Variants in CTNND2 observed in about 807,000 individuals in gnomAD.
CTNND2 encodes the protein catenin delta 2.
A neutral mutation model predicts 144.4 loss-of-function variants in CTNND2; 22 were observed. The observed-to-expected ratio is 0.15, with a 90% CI of 0.11 to 0.22. CTNND2 has a LOEUF of 0.22. Ranked by LOEUF, CTNND2 falls within the 10% of genes least tolerant of loss-of-function variation. The probability of loss-of-function intolerance (pLI) is 1.00; values close to 1 mark genes in which losing one functional copy is unlikely to be tolerated. For missense variants in CTNND2, 1,353 were observed against 1,618.8 expected, an observed-to-expected ratio of 0.84 and a Z score of 2.82; for synonymous variants, 751 against 695.6, an observed-to-expected ratio of 1.08 and a Z score of -1.25.
At chr5:11,657,952 T>C (rs2126557944) in intron 2 of CTNND2, among the ~76,000 whole-genome samples, 1 of 152,302 alleles carries the variant, frequency 6.6e-6, no homozygotes, top group East Asian at 1.9e-4. Context: ...TTTATGACTT[T>C]TGTTATACAG....
intron 3 of CTNND2, among the ~76,000 whole-genome samples, chr5:11,424,190 T>C (rs1005466532): frequency 1.3e-5 from 2 of 152,160 alleles, no homozygotes; most frequent in African/African-American, 4.8e-5. Context: ...CACTGATACA[T>C]CCATACCAAG....
intron 3 of CTNND2, among the ~76,000 whole-genome samples, chr5:11,468,997 C>G (rs62337506): frequency 0.032 from 4,879 of 152,238 alleles, 103 homozygotes; most frequent in Non-Finnish European, 0.044. Flanking sequence ...ATATAACTCT[C>G]TACGCTCAAG....
intron 10 of CTNND2, among the ~76,000 whole-genome samples, chr5:11,200,454 T>C (rs895046965): frequency 2.0e-5 from 3 of 152,222 alleles, no homozygotes; most frequent in African/African-American, 7.2e-5. Flanking sequence ...CAGGCTATAT[T>C]AGCAAAGCTG....
At chr5:11,800,776 A>G (rs545336070) in intron 1 of CTNND2, among the ~76,000 whole-genome samples, 1 of 152,308 alleles carries the variant, frequency 6.6e-6, no homozygotes, top group African/African-American at 2.4e-5. Flanking sequence ...GGAAAACCTA[A>G]TCCTTCTCAC....
intron 5 of CTNND2, among the ~76,000 whole-genome samples, chr5:11,398,892 G>C (rs1312574694): frequency 6.6e-6 from 1 of 152,210 alleles, no homozygotes; most frequent in Non-Finnish European, 1.5e-5. Flanking sequence ...GAAGCTGCCA[G>C]GCCCAGCAGA....
chr5:11,357,452 C>T (rs1014344323), intron 8 of CTNND2, among the ~76,000 whole-genome samples: 8 of 152,052 alleles, frequency 5.3e-5, no homozygotes, highest in Non-Finnish European at 1.5e-5. Flanking sequence ...ACCACAGGAT[C>T]TCACTCAAAC....
At chr5:11,880,927 A>G (rs1255377119) in intron 1 of CTNND2, among the ~76,000 whole-genome samples, 1 of 146,004 alleles carries the variant, frequency 6.8e-6, no homozygotes, top group African/African-American at 2.6e-5. Context: ...TACTACTACC[A>G]CTACTACTGC....
chr5:11,803,146 C>A (rs974469163), intron 1 of CTNND2, among the ~76,000 whole-genome samples: 1 of 151,962 alleles, frequency 6.6e-6, no homozygotes, highest in South Asian at 2.1e-4. Flanking sequence ...ATGGTGAAAC[C>A]CCGTCTCTAC....
At chr5:11,017,193 A>G (rs1001522688) in intron 18 of CTNND2, among the ~76,000 whole-genome samples, 1 of 152,138 alleles carries the variant, frequency 6.6e-6, no homozygotes, top group Non-Finnish European at 1.5e-5. Flanking sequence ...CTAACCAAAA[A>G]GGAAAAGTTA....
rs1460202675 is a variant in CTNND2, at chr5:11,162,856, A to T, written c.1976-3097T>A. ...CATCTGGCAGGAGTTCAAGTGGGAA[A>T]CAACTGGGAATTCCACATCTTTCCT... On this transcript the variant is annotated intron_variant, in intron 11 of 21. Coordinates refer to ENST00000304623, the MANE Select transcript of CTNND2 (RefSeq NM_001332.4). Among the ~76,000 whole-genome samples the T allele has an allele frequency of 5.9e-5, 9 of 151,742 alleles. No individual in the cohort carries two copies. In the South Asian group the frequency reaches 1.7e-3, roughly 28 times the overall value.
chr5:11,034,514 CTGCAAATG>C (rs1743853717), intron 16 of CTNND2, among the ~76,000 whole-genome samples: 1 of 152,210 alleles, frequency 6.6e-6, no homozygotes, highest in African/African-American at 2.4e-5. Flanking sequence ...CTTCAAATAT[CTGCAAATG>C]TACAAATGTC....
At chr5:11,078,745 G>C (rs1749214846) in intron 16 of CTNND2, among the ~76,000 whole-genome samples, 1 of 152,128 alleles carries the variant, frequency 6.6e-6, no homozygotes, top group African/African-American at 2.4e-5. Flanking sequence ...GGGAATCCCA[G>C]TGCTGTCCTG....
chr5:11,236,982 T>G (rs1741708843), intron 9 of CTNND2, among the ~76,000 whole-genome samples, 159 bp from the exon 10 acceptor site: 1 of 152,194 alleles, frequency 6.6e-6, no homozygotes, highest in Non-Finnish European at 1.5e-5. Flanking sequence ...TTAAGGGGAT[T>G]TGGAAGAGAT....
chr5:11,196,056 T>C (rs1203951790), intron 11 of CTNND2, among the ~76,000 whole-genome samples: 1 of 152,232 alleles, frequency 6.6e-6, no homozygotes, highest in African/African-American at 2.4e-5. Context: ...ATGCGCTGAA[T>C]GTAAATGCAT....
intron 3 of CTNND2, among the ~76,000 whole-genome samples, chr5:11,440,573 G>C (rs1764173030): frequency 6.6e-6 from 1 of 152,134 alleles, no homozygotes; most frequent in Non-Finnish European, 1.5e-5. Context: ...AGAAATACTG[G>C]GAAATAGTAG....
chr5:11,524,171 C>CG (rs1773007028), intron 3 of CTNND2, among the ~76,000 whole-genome samples: 1 of 152,146 alleles, frequency 6.6e-6, no homozygotes, highest in African/African-American at 2.4e-5. Context: ...GCACCCCACA[C>CG]TTGCCCCACC....
intron 1 of CTNND2, among the ~76,000 whole-genome samples, chr5:11,779,106 T>C (rs1790407696): frequency 6.6e-6 from 1 of 152,210 alleles, no homozygotes; most frequent in Non-Finnish European, 1.5e-5. Flanking sequence ...AGCGTCCTCA[T>C]GCATGACGCA....
At chr5:11,869,073 C>T (rs1795906093) in intron 1 of CTNND2, among the ~76,000 whole-genome samples, 1 of 152,084 alleles carries the variant, frequency 6.6e-6, no homozygotes, top group African/African-American at 2.4e-5. Context: ...ATTAGAATGG[C>T]CATACTTTAA....
chr5:10,986,611 G>GA (rs1005528229), intron 20 of CTNND2: 73 of 360,916 alleles, frequency 2.0e-4, no homozygotes, highest in African/African-American at 9.1e-4. Flanking sequence ...CAACATGTAA[G>GA]GGGAAACAGT....
Sources: gnomAD v4.1 joint callset for allele counts (sites outside exome capture counted in the v4.1 genomes callset) on GRCh38, gnomAD v4.1.1 for gene constraint, MANE v1.5 for transcripts, NCBI Gene and HGNC (gene_info 2026-07-23, HGNC 2026-07-21) for gene names.